CERS6: variants seen among roughly 807,000 people sequenced by gnomAD.
CERS6 encodes the protein ceramide synthase 6.
In CERS6, 26 loss-of-function variants were observed where a neutral mutation model predicts 56.8. The observed-to-expected ratio is 0.46, with a 90% CI of 0.34 to 0.63. CERS6 has a LOEUF of 0.63. Among genes scored for constraint, CERS6 ranks in the 30% least tolerant of loss-of-function variants. The pLI, the probability that CERS6 is intolerant of heterozygous loss-of-function variation, is 0.01. For synonymous variants in CERS6, 164 were observed against 173.3 expected, an observed-to-expected ratio of 0.95 and a Z score of 0.42; for missense variants, 415 against 467.5, an observed-to-expected ratio of 0.89 and a Z score of 1.04.
At chr2:168,531,241 A>G (rs1449958274) in intron 1 of CERS6, among the ~76,000 whole-genome samples, 1 of 152,206 alleles carries the variant, frequency 6.6e-6, no homozygotes, top group Non-Finnish European at 1.5e-5. Flanking sequence ...AGCAAGAAGG[A>G]ATGACACAGG....
intron 1 of CERS6, among the ~76,000 whole-genome samples, chr2:168,464,977 C>A (rs77503188): frequency 0.017 from 2,570 of 152,166 alleles, 70 homozygotes; most frequent in African/African-American, 0.059. Context: ...ATGGAGGTTC[C>A]TCGAAAAATT....
At chr2:168,743,244 G>A (rs1042191221) in intron 8 of CERS6, among the ~76,000 whole-genome samples, 5 of 150,926 alleles carry the variant, frequency 3.3e-5, no homozygotes, top group East Asian at 1.9e-4. Context: ...ATGTGTGTGT[G>A]TATATATATA....
chr2:168,704,400 A>AT (rs1686880551), intron 6 of CERS6, among the ~76,000 whole-genome samples: 1 of 151,952 alleles, frequency 6.6e-6, no homozygotes, highest in Admixed American at 6.6e-5. Flanking sequence ...TCAGCTTCTC[A>AT]TGGGGAGTTT....
At chr2:168,540,630 A>G (rs1695350580) in intron 1 of CERS6, among the ~76,000 whole-genome samples, 1 of 152,238 alleles carries the variant, frequency 6.6e-6, no homozygotes, top group African/African-American at 2.4e-5. Context: ...TAATCATGTG[A>G]TTCTCAGAAT....
chr2:168,598,114 C>T (rs748118655), intron 3 of CERS6, among the ~76,000 whole-genome samples: 6 of 152,228 alleles, frequency 3.9e-5, no homozygotes, highest in Non-Finnish European at 7.3e-5. Flanking sequence ...AGTCACCACC[C>T]TAGAGATAAT....
At chr2:168,537,612 A>G (rs1695288305) in intron 1 of CERS6, among the ~76,000 whole-genome samples, 1 of 152,298 alleles carries the variant, frequency 6.6e-6, no homozygotes, top group South Asian at 2.1e-4. Context: ...CAGTAGCTAT[A>G]TAATATTTCA....
At chr2:168,693,115 T>C (rs181900070) in intron 5 of CERS6, among the ~76,000 whole-genome samples, 4 of 152,300 alleles carry the variant, frequency 2.6e-5, no homozygotes, top group African/African-American at 7.2e-5. Context: ...TTGAACCTTG[T>C]ACAGCTTGGT....
chr2:168,623,909 A>C (rs1684531162), intron 3 of CERS6, among the ~76,000 whole-genome samples: 1 of 152,208 alleles, frequency 6.6e-6, no homozygotes, highest in African/African-American at 2.4e-5. Context: ...TTACTTGTTA[A>C]ATGTAGAAAA....
intron 1 of CERS6, among the ~76,000 whole-genome samples, chr2:168,503,544 G>A (rs531352643): frequency 1.3e-5 from 2 of 152,262 alleles, no homozygotes; most frequent in South Asian, 4.1e-4. Flanking sequence ...TAATGTTTTG[G>A]TAGCCTTAAT....
intron 1 of CERS6, among the ~76,000 whole-genome samples, chr2:168,486,525 T>C: frequency 8.9e-6 from 1 of 112,698 alleles, no homozygotes; most frequent in African/African-American, 3.1e-5. Flanking sequence ...TTTGGTTTTG[T>C]TTTTTTTTTT....
chr2:168,678,280 G>A (rs565584582), intron 4 of CERS6, among the ~76,000 whole-genome samples: 3 of 152,240 alleles, frequency 2.0e-5, no homozygotes, highest in Non-Finnish European at 4.4e-5. Context: ...GGCCCTTCGC[G>A]AATCGCTGCC....
intron 2 of CERS6, among the ~76,000 whole-genome samples, chr2:168,554,961 A>G (rs1323318609): frequency 6.6e-6 from 1 of 152,152 alleles, no homozygotes; most frequent in Non-Finnish European, 1.5e-5. Flanking sequence ...TGAAGAAAAA[A>G]TGGAAACACA....
intron 3 of CERS6, among the ~76,000 whole-genome samples, chr2:168,630,396 T>G (rs1684688536): frequency 6.6e-6 from 1 of 152,070 alleles, no homozygotes; most frequent in African/African-American, 2.4e-5. Context: ...AACTTAAAAA[T>G]TTTTCTTCAT....
chr2:168,657,685 C>T (rs1489135332), intron 4 of CERS6, among the ~76,000 whole-genome samples: 1 of 152,258 alleles, frequency 6.6e-6, no homozygotes, highest in Admixed American at 6.5e-5. Flanking sequence ...GGCCCGGGTG[C>T]TAAGTCCCCC....
chr2:168,474,200 A>G (rs1415379249), intron 1 of CERS6, among the ~76,000 whole-genome samples: 2 of 152,120 alleles, frequency 1.3e-5, no homozygotes, highest in Non-Finnish European at 2.9e-5. Context: ...TTTTAATGTG[A>G]TGGCACAGCA....
intron 3 of CERS6, among the ~76,000 whole-genome samples, chr2:168,582,359 T>C (rs1683434053): frequency 1.3e-5 from 2 of 152,186 alleles, no homozygotes; most frequent in African/African-American, 2.4e-5. Context: ...GGTGTTCTAC[T>C]TAGGTCTCTG....
chr2:168,580,403 C>T (rs1683381845), intron 3 of CERS6, among the ~76,000 whole-genome samples: 1 of 152,000 alleles, frequency 6.6e-6, no homozygotes, highest in Non-Finnish European at 1.5e-5. Context: ...AACGGGTATA[C>T]CTAAGTTATC....
chr2:168,496,643 A>AT (rs1371488152), intron 1 of CERS6, among the ~76,000 whole-genome samples: 1 of 151,962 alleles, frequency 6.6e-6, no homozygotes, highest in African/African-American at 2.4e-5. Context: ...CATGAAATTA[A>AT]TTTTTTTTAA....
At chr2:168,766,349 A>C in intron 9 of CERS6, 1 of 1,597,824 alleles carries the variant, frequency 6.3e-7, no homozygotes, top group Non-Finnish European at 8.5e-7. Flanking sequence ...TTTACATGTA[A>C]GTTTCTCCTC....
Sources: gnomAD v4.1 joint callset for allele counts (sites outside exome capture counted in the v4.1 genomes callset) on GRCh38, gnomAD v4.1.1 for gene constraint, MANE v1.5 for transcripts, NCBI Gene and HGNC (gene_info 2026-07-23, HGNC 2026-07-21) for gene names.